CNTNAP2: variants seen among roughly 807,000 people sequenced by gnomAD.
The protein encoded by CNTNAP2 is contactin associated protein 2.
A neutral mutation model predicts 155.2 loss-of-function variants in CNTNAP2; 98 were observed. The observed-to-expected ratio is 0.63, with a 90% CI of 0.54 to 0.75. The LOEUF is 0.75. Ranked by LOEUF, CNTNAP2 falls within the 30% of genes least tolerant of loss-of-function variation. The pLI is 0.00. For missense variants in CNTNAP2, 1,727 were observed against 1,688.1 expected (o/e 1.02, Z -0.40); for synonymous variants, 651 against 631.2 (o/e 1.03, Z -0.47).
intron 15 of CNTNAP2, among the ~76,000 whole-genome samples, chr7:147,992,770 C>T (rs1017132144): frequency 6.6e-6 from 1 of 152,126 alleles, no homozygotes; most frequent in Non-Finnish European, 1.5e-5. Context: ...AAGTCATGTG[C>T]CAATTAAGAT....
chr7:146,582,703 G>T (rs1798629612), intron 1 of CNTNAP2, among the ~76,000 whole-genome samples: 1 of 151,986 alleles, frequency 6.6e-6, no homozygotes. Flanking sequence ...GCAGAGACCA[G>T]ATCACTCTGA....
intron 1 of CNTNAP2, among the ~76,000 whole-genome samples, chr7:146,291,302 C>CT (rs1015104886): frequency 6.6e-6 from 1 of 152,088 alleles, no homozygotes; most frequent in African/African-American, 2.4e-5. Flanking sequence ...CAGCTAGGTG[C>CT]TTTTTTGCGT....
chr7:146,492,235 GA>G (rs1797151638), intron 1 of CNTNAP2, among the ~76,000 whole-genome samples: 1 of 150,292 alleles, frequency 6.7e-6, no homozygotes, highest in Non-Finnish European at 1.5e-5. Flanking sequence ...GGAGGAGAGA[GA>G]GGGGGAGAGA....
rs34229180 is a variant in CNTNAP2 at position 148,259,179 on chromosome 7, TAAAAAAAAAAA to T, written c.3382-7834_3382-7824del. On this transcript the variant is annotated intron_variant, in intron 20 of 23. Coordinates refer to ENST00000361727, the MANE Select transcript of CNTNAP2 (RefSeq NM_014141.6). Reference sequence around the variant, plus strand: ...GGGCAACAAAAGCAAAACTCCGTCTTAAAAAAAAAAAAAAAAAAAAAAAAAAAAAAGCCAGG... The same window carrying T: ...GGGCAACAAAAGCAAAACTCCGTCTTAAAAAAAAAAAAAAAAAAAGCCAGG... Among the ~76,000 whole-genome samples, 160 of 24,026 alleles carry T rather than the reference TAAAAAAAAAAA, an allele frequency of 6.7e-3. 3 individuals are homozygous for T. Among genetic ancestry groups the T allele is most frequent in the Admixed American group, 0.025 (29 of 1,168 alleles). The allele number at this position is 24,026 out of a possible 152,430, so 15.8% of individuals were successfully genotyped here. A position where few individuals can be genotyped will look rare whatever the true frequency, so the allele number is the denominator to read the frequency against.
intron 3 of CNTNAP2, among the ~76,000 whole-genome samples, chr7:147,021,366 A>G (rs1262527047): frequency 1.3e-5 from 2 of 152,106 alleles, no homozygotes; most frequent in Non-Finnish European, 2.9e-5. Context: ...TTTATTACAT[A>G]TTCTATAGAC....
At chr7:147,108,453 C>T (rs1391482299) in intron 5 of CNTNAP2, 103 bp downstream of exon 5, 2 of 1,003,952 alleles carry the variant, frequency 2.0e-6, no homozygotes, top group Non-Finnish European at 2.9e-6. Context: ...AAAAAGAGCT[C>T]ATGTTATATT....
chr7:146,345,852 C>T lies in CNTNAP2; in HGVS notation c.97+228879C>T, dbSNP rs73738227. On this transcript the variant is annotated intron_variant, in intron 1 of 23. Transcript: ENST00000361727. ...AGAGGCAGAGGAGCAGGGCAAGAAACGGTATGTAAGACACGAACTAGTCAC... is the reference window on the plus strand; with the variant it reads ...AGAGGCAGAGGAGCAGGGCAAGAAATGGTATGTAAGACACGAACTAGTCAC... 6.9e-4 allele frequency among the ~76,000 whole-genome samples: 105 copies of T among 152,126 alleles called. 1 individual carries two copies. Among genetic ancestry groups the T allele is most frequent in the African/African-American group, 2.1e-3 (86 of 41,522 alleles).
intron 1 of CNTNAP2, among the ~76,000 whole-genome samples, chr7:146,748,578 G>T (rs377649919): frequency 1.3e-3 from 192 of 152,282 alleles, no homozygotes; most frequent in African/African-American, 4.4e-3. Context: ...AAGTTCACTA[G>T]TTTATAATTT....
chr7:147,481,050 A>G (rs903812668), intron 10 of CNTNAP2, among the ~76,000 whole-genome samples: 8 of 152,216 alleles, frequency 5.3e-5, no homozygotes, highest in Non-Finnish European at 1.2e-4. Context: ...ACCAGAACAT[A>G]TTTCCATGTG....
At chr7:146,426,463 G>A (rs1021426682) in intron 1 of CNTNAP2, among the ~76,000 whole-genome samples, 1 of 149,194 alleles carries the variant, frequency 6.7e-6, no homozygotes, top group African/African-American at 2.5e-5. Flanking sequence ...AAATGTGTGT[G>A]TATATATATA....
chr7:147,263,020 TA>T (rs1490763925), intron 8 of CNTNAP2, among the ~76,000 whole-genome samples: 2 of 151,956 alleles, frequency 1.3e-5, no homozygotes, highest in Non-Finnish European at 2.9e-5. Context: ...GTCTACAGAG[TA>T]ACAAACATAG....
rs187200251 is a variant in CNTNAP2, at chr7:146,535,514, A to G, written c.98-238757A>G. Among the ~76,000 whole-genome samples the G allele has an allele frequency of 5.9e-3, 645 of 110,216 alleles. 5 individuals carry two copies. The highest frequency in any genetic ancestry group is 0.027 in the African/African-American group (521 of 19,180). 72.3% of individuals were successfully genotyped at this position (110,216 alleles called of 152,430 possible). On this transcript the variant is annotated intron_variant, in intron 1 of 23. Transcript: ENST00000361727. ...AATTTTTACTTCTTTTTAAGTAATCAATCAACATTTGTTTATTTAAACTTT... is the reference window on the plus strand; with the variant it reads ...AATTTTTACTTCTTTTTAAGTAATCGATCAACATTTGTTTATTTAAACTTT...
At chr7:147,453,029 A>G (rs1219361307) in intron 10 of CNTNAP2, among the ~76,000 whole-genome samples, 1 of 152,038 alleles carries the variant, frequency 6.6e-6, no homozygotes, top group Non-Finnish European at 1.5e-5. Context: ...AGAAAGGGAA[A>G]AAGAGAGAAA....
intron 15 of CNTNAP2, among the ~76,000 whole-genome samples, chr7:148,051,801 G>C (rs1319211061): frequency 6.6e-6 from 1 of 152,204 alleles, no homozygotes; most frequent in Non-Finnish European, 1.5e-5. Flanking sequence ...GCATAGAAAA[G>C]TGATACTAAA....
intron 12 of CNTNAP2, among the ~76,000 whole-genome samples, chr7:147,591,290 T>C (rs1384128485): frequency 6.6e-6 from 1 of 152,154 alleles, no homozygotes; most frequent in Non-Finnish European, 1.5e-5. Context: ...TGTCTGTAGG[T>C]TTATTTTTTT....
At chr7:147,839,763 CATT>C (rs2116649312) in intron 13 of CNTNAP2, among the ~76,000 whole-genome samples, 1 of 152,200 alleles carries the variant, frequency 6.6e-6, no homozygotes, top group South Asian at 2.1e-4. Flanking sequence ...TAAAAGAAAT[CATT>C]ATATAAAAAG....
intron 14 of CNTNAP2, among the ~76,000 whole-genome samples, chr7:147,924,222 T>C (rs1323826964): frequency 7.0e-6 from 1 of 142,430 alleles, no homozygotes; most frequent in Admixed American, 7.5e-5. Flanking sequence ...TCACCCAACC[T>C]CTGCCTCCTG....
At chr7:146,930,534 C>T (rs536549719) in intron 3 of CNTNAP2, among the ~76,000 whole-genome samples, 26 of 152,118 alleles carry the variant, frequency 1.7e-4, no homozygotes, top group Non-Finnish European at 2.8e-4. Context: ...CATCAACTAA[C>T]GAACAAAATA....
At position 146,380,567 on chromosome 7, in the gene CNTNAP2, T is replaced by A. The variant is rs561273358; in HGVS notation, c.97+263594T>A. ...TAGTAACTGATCTTATCTTTAACCATCATAAAAAATTTCTGGTGTATTAAA... is the reference window on the plus strand; with the variant it reads ...TAGTAACTGATCTTATCTTTAACCAACATAAAAAATTTCTGGTGTATTAAA... On this transcript the variant is annotated intron_variant, in intron 1 of 23. Transcript: ENST00000361727. Among the ~76,000 whole-genome samples the A allele has an allele frequency of 7.9e-5, 12 of 152,164 alleles. No homozygotes were observed. The South Asian group carries it at 2.5e-3, about 32-fold the overall frequency.
Sources: allele counts gnomAD v4.1 joint callset (sites outside exome capture counted in the v4.1 genomes callset), GRCh38; gene constraint gnomAD v4.1.1; transcripts MANE v1.5; gene names NCBI Gene and HGNC (gene_info 2026-07-23, HGNC 2026-07-21).